SLC26A7: variants seen among roughly 807,000 people sequenced by gnomAD.
SLC26A7 encodes anion exchange transporter.
SLC26A7 carries 59 observed loss-of-function variants against 82.5 expected under a neutral mutation model. The ratio of observed to expected loss-of-function variants is 0.72; its 90% CI spans 0.58 to 0.89. The LOEUF is 0.89. Ranked by LOEUF, SLC26A7 falls within the 40% of genes least tolerant of loss-of-function variation. The pLI, the probability that SLC26A7 is intolerant of heterozygous loss-of-function variation, is 0.00. For synonymous variants in SLC26A7, 271 were observed against 274.3 expected, an observed-to-expected ratio of 0.99 and a Z score of 0.12; for missense variants, 820 against 793.0, an observed-to-expected ratio of 1.03 and a Z score of -0.41.
intron 12 of SLC26A7, among the ~76,000 whole-genome samples, chr8:91,363,226 T>C (rs537197489): frequency 2.0e-5 from 3 of 152,058 alleles, no homozygotes; most frequent in Non-Finnish European, 4.4e-5. Context: ...AAATTCTTCT[T>C]TACTAATCCA....
chr8:91,333,627 T>TTTCATG (rs1396122154), intron 5 of SLC26A7, among the ~76,000 whole-genome samples: 1 of 152,136 alleles, frequency 6.6e-6, no homozygotes, highest in African/African-American at 2.4e-5. Context: ...CAGGTGCCCT[T>TTTCATG]TCCATGTCCA....
In SLC26A7 at chr8:91,225,643, GTTTTTTTTTTTTTTTTT is replaced by G. The variant is rs55732709; in HGVS notation, c.-34+6654_-34+6670del. Among the ~76,000 whole-genome samples, 123 of 36,142 alleles carry G rather than the reference GTTTTTTTTTTTTTTTTT, an allele frequency of 3.4e-3. 1 individual carries two copies. The highest frequency in any genetic ancestry group is 0.013 in the African/African-American group (107 of 8,188). 23.7% of individuals were successfully genotyped at this position (36,142 alleles called of 152,430 possible). Reference sequence around the variant, plus strand: ...TCTTGGCCCTGCCCCCTAGAAAAGTGTTTTTTTTTTTTTTTTTTTTTTTTTTTTTTTTACCATTTTAA... The same window carrying G: ...TCTTGGCCCTGCCCCCTAGAAAAGTGTTTTTTTTTTTTTTTACCATTTTAA... On this transcript the variant is annotated intron_variant, in intron 2 of 5. Transcript: ENST00000522862.
chr8:91,244,350 C>G (rs1417822317), upstream of SLC26A7, among the ~76,000 whole-genome samples: 1 of 150,626 alleles, frequency 6.6e-6, no homozygotes, highest in African/African-American at 2.4e-5. Context: ...TTTCCTTTTT[C>G]TTCTTTCTCA....
At chr8:91,337,895 G>T (rs1234558838) in intron 6 of SLC26A7, among the ~76,000 whole-genome samples, 1 of 152,086 alleles carries the variant, frequency 6.6e-6, no homozygotes, top group African/African-American at 2.4e-5. Context: ...GACATAATTG[G>T]GTTGACCACG....
At chr8:91,251,640 C>G (rs774017991) in intron 2 of SLC26A7, among the ~76,000 whole-genome samples, 8 of 151,966 alleles carry the variant, frequency 5.3e-5, no homozygotes, top group Admixed American at 1.3e-4. Flanking sequence ...ATTATCTCCC[C>G]CTATCCTAAC....
At chr8:91,377,758 C>A (rs1173528970) in intron 15 of SLC26A7, among the ~76,000 whole-genome samples, 1 of 152,174 alleles carries the variant, frequency 6.6e-6, no homozygotes, top group Non-Finnish European at 1.5e-5. Flanking sequence ...GAAGCACCCC[C>A]ACCTATGTTT....
At chr8:91,336,929 A>C (rs1341383000) in intron 6 of SLC26A7, among the ~76,000 whole-genome samples, 1 of 152,172 alleles carries the variant, frequency 6.6e-6, no homozygotes, top group Non-Finnish European at 1.5e-5. Flanking sequence ...CATGATGATT[A>C]TGAACAATTA....
chr8:91,282,443 C>A (rs1811599528), intron 2 of SLC26A7, among the ~76,000 whole-genome samples: 1 of 152,180 alleles, frequency 6.6e-6, no homozygotes, highest in Admixed American at 6.5e-5. Context: ...CAAAATCCTC[C>A]TCCTTTCTCC....
intron 2 of SLC26A7, among the ~76,000 whole-genome samples, chr8:91,288,451 T>C (rs954513278): frequency 1.3e-5 from 2 of 152,220 alleles, no homozygotes; most frequent in African/African-American, 4.8e-5. Flanking sequence ...TCATACCAAC[T>C]ATGTAGGCAA....
chr8:91,231,767 C>A (rs568095051), intron 2 of SLC26A7, among the ~76,000 whole-genome samples: 2 of 151,938 alleles, frequency 1.3e-5, no homozygotes, highest in South Asian at 4.1e-4. Flanking sequence ...ATAGGGAACT[C>A]TGTGTGTATG....
intron 2 of SLC26A7, among the ~76,000 whole-genome samples, chr8:91,277,400 A>T (rs1162845466): frequency 6.6e-6 from 1 of 151,482 alleles, no homozygotes; most frequent in Non-Finnish European, 1.5e-5. Flanking sequence ...TTTCAAAGTC[A>T]ATATTTTTTC....
chr8:91,334,736 G>T (rs1160676671), intron 6 of SLC26A7, among the ~76,000 whole-genome samples: 1 of 152,024 alleles, frequency 6.6e-6, no homozygotes, highest in Non-Finnish European at 1.5e-5. Context: ...AAATAAGGAG[G>T]TACTTATAAG....
intron 4 of SLC26A7, among the ~76,000 whole-genome samples, chr8:91,296,135 C>T (rs556709236): frequency 6.6e-6 from 1 of 152,316 alleles, no homozygotes; most frequent in South Asian, 2.1e-4. Flanking sequence ...TTATTGCTTA[C>T]ATCAGTAACA....
At chr8:91,254,974 G>C (rs1400638686) in intron 2 of SLC26A7, among the ~76,000 whole-genome samples, 5 of 152,124 alleles carry the variant, frequency 3.3e-5, no homozygotes, top group Non-Finnish European at 7.4e-5. Context: ...AAGCTAAGCA[G>C]TATAAGACTC....
chr8:91,386,403 A>G (rs143073770), intron 15 of SLC26A7, among the ~76,000 whole-genome samples: 1 of 152,272 alleles, frequency 6.6e-6, no homozygotes, highest in Admixed American at 6.5e-5. Flanking sequence ...CAAATTTTAG[A>G]TTGCAGATTA....
chr8:91,351,911 C>T (rs753839682), intron 10 of SLC26A7, 24 bp downstream of exon 10: 6 of 1,519,888 alleles, frequency 3.9e-6, no homozygotes, highest in Non-Finnish European at 5.5e-6. Context: ...TTTTCACTAT[C>T]TACTTTTTAA....
chr8:91,219,034 A>C (rs1810111621), intron 2 of SLC26A7: 1 of 1,232,724 alleles, frequency 8.1e-7, no homozygotes, highest in Non-Finnish European at 1.2e-6. Context: ...GCCTCACTCC[A>C]CTTGCCCTGT....
chr8:91,261,079 A>C (rs763481976), intron 2 of SLC26A7, among the ~76,000 whole-genome samples: 1 of 152,088 alleles, frequency 6.6e-6, no homozygotes, highest in Non-Finnish European at 1.5e-5. Flanking sequence ...CAGGGAAATA[A>C]CTTTCATCGT....
chr8:91,294,156 A>T (rs796814269), intron 3 of SLC26A7, among the ~76,000 whole-genome samples: 15 of 152,374 alleles, frequency 9.8e-5, no homozygotes, highest in African/African-American at 3.6e-4. Context: ...ACATACAATG[A>T]TAGACCATAA....
Sources: allele counts gnomAD v4.1 joint callset (sites outside exome capture counted in the v4.1 genomes callset), GRCh38; gene constraint gnomAD v4.1.1; transcripts MANE v1.5; gene names NCBI Gene and HGNC (gene_info 2026-07-23, HGNC 2026-07-21).